Variants in IQCM observed in about 807,000 individuals in gnomAD.
IQCM encodes IQ domain-containing protein M.
IQCM carries 45 observed loss-of-function variants against 57.6 expected under a neutral mutation model. The ratio of observed to expected loss-of-function variants is 0.78; its 90% CI spans 0.62 to 1.00. The LOEUF is 1.00. Among genes scored for constraint, IQCM ranks in the 50% least tolerant of loss-of-function variants. The pLI, the probability that IQCM is intolerant of heterozygous loss-of-function variation, is 0.00. For synonymous variants in IQCM, 148 were observed against 158.9 expected (o/e 0.93, Z 0.51); for missense variants, 468 against 511.6 (o/e 0.91, Z 0.82).
chr4:149,744,914 T>C (rs1364845886), intron 2 of IQCM, among the ~76,000 whole-genome samples: 1 of 152,138 alleles, frequency 6.6e-6, no homozygotes, highest in Admixed American at 6.5e-5. Flanking sequence ...TAAGGAAATC[T>C]GTGAGCTTTG....
chr4:149,590,199 A>C (rs1388834434), intron 8 of IQCM, among the ~76,000 whole-genome samples: 1 of 115,946 alleles, frequency 8.6e-6, no homozygotes, highest in Admixed American at 9.0e-5. Context: ...ACCTCCATTG[A>C]TGTTTTCTAC....
intron 2 of IQCM, among the ~76,000 whole-genome samples, chr4:149,807,418 T>C (rs559030197): frequency 5.9e-5 from 9 of 152,132 alleles, no homozygotes; most frequent in African/African-American, 2.2e-4. Flanking sequence ...TTTTGCCATA[T>C]ATAAAAATCA....
At chr4:149,704,645 A>G (rs192346362) in intron 5 of IQCM, among the ~76,000 whole-genome samples, 1 of 151,872 alleles carries the variant, frequency 6.6e-6, no homozygotes, top group Admixed American at 6.6e-5. Context: ...AGAAGAGATA[A>G]ATCTGCCAAG....
intron 7 of IQCM, among the ~76,000 whole-genome samples, chr4:149,622,540 TCA>T (rs1439341486): frequency 2.0e-5 from 3 of 152,110 alleles, no homozygotes; most frequent in Admixed American, 2.0e-4. Flanking sequence ...AGACGGGGTT[TCA>T]CAGTGTTAGC....
intron 2 of IQCM, among the ~76,000 whole-genome samples, chr4:149,774,687 C>T (rs1995478): frequency 0.13 from 19,067 of 151,358 alleles, 1,270 homozygotes; most frequent in East Asian, 0.19. Context: ...TGGAGGCCCC[C>T]TCCCTCTGTC....
At chr4:149,405,396 C>A (rs1732905808) in intron 13 of IQCM, among the ~76,000 whole-genome samples, 1 of 150,916 alleles carries the variant, frequency 6.6e-6, no homozygotes, top group Non-Finnish European at 1.5e-5. Context: ...ACATCACACA[C>A]TGGGGCCTGT....
At chr4:149,670,931 A>G (rs1579939743) in intron 7 of IQCM, among the ~76,000 whole-genome samples, 1 of 144,350 alleles carries the variant, frequency 6.9e-6, no homozygotes, top group African/African-American at 2.5e-5. Flanking sequence ...TATTGGTCTA[A>G]AATTCTCTCT....
At chr4:149,457,525 C>A (rs72724096) in intron 12 of IQCM, among the ~76,000 whole-genome samples, 32,914 of 151,754 alleles carry the variant, frequency 0.22, 4,475 homozygotes, top group Non-Finnish European at 0.29. Context: ...TGAAATAATT[C>A]TAAAACCAAG....
chr4:149,467,724 T>C (rs1429013530), intron 12 of IQCM, among the ~76,000 whole-genome samples: 1 of 152,160 alleles, frequency 6.6e-6, no homozygotes, highest in Non-Finnish European at 1.5e-5. Flanking sequence ...GTCTGTCTGA[T>C]AGGAGCTGTG....
intron 5 of IQCM, 62 bp downstream of exon 5, chr4:149,733,182 A>T: frequency 1.7e-6 from 2 of 1,206,700 alleles, no homozygotes. Flanking sequence ...TTACAGGCAC[A>T]TAAGAAACAA....
chr4:149,776,830 A>G (rs1771133689), intron 2 of IQCM, among the ~76,000 whole-genome samples: 1 of 152,124 alleles, frequency 6.6e-6, no homozygotes, highest in East Asian at 1.9e-4. Context: ...ATATACATAG[A>G]ACATTCAAGA....
chr4:149,694,363 T>C (rs1027410665), intron 5 of IQCM, among the ~76,000 whole-genome samples: 1 of 150,302 alleles, frequency 6.7e-6, no homozygotes, highest in African/African-American at 2.4e-5. Context: ...TAGCTGGGAC[T>C]ACAGGCGCCC....
intron 7 of IQCM, among the ~76,000 whole-genome samples, chr4:149,678,864 A>G (rs1385675658): frequency 6.6e-6 from 1 of 151,712 alleles, no homozygotes; most frequent in African/African-American, 2.4e-5. Context: ...AATGGCTTCT[A>G]TCAAAAAGAC....
rs538952958 is a variant in IQCM, at chr4:149,520,219, ATT to A, written c.1228+28234_1228+28235del. ...AAAAACCGTATATAAGGTGGGCACCATTTTTTTTTTTTTTTTTTTTGCAGGTA... is the reference window on the plus strand; with the variant it reads ...AAAAACCGTATATAAGGTGGGCACCATTTTTTTTTTTTTTTTTTGCAGGTA... On this transcript the variant is annotated intron_variant, in intron 12 of 13. Transcript: ENST00000636793. Among the ~76,000 whole-genome samples, 313 of 126,668 alleles carry A rather than the reference ATT, an allele frequency of 2.5e-3. 2 individuals are homozygous for A. The highest frequency in any genetic ancestry group is 0.012 in the East Asian group (51 of 4,372). The allele number at this position is 126,668 out of a possible 152,430, so 83.1% of individuals were successfully genotyped here. A position where few individuals can be genotyped will look rare whatever the true frequency, so the allele number is the denominator to read the frequency against.
At chr4:149,664,153 A>G (rs974901129) in intron 7 of IQCM, among the ~76,000 whole-genome samples, 1 of 152,124 alleles carries the variant, frequency 6.6e-6, no homozygotes, top group Admixed American at 6.5e-5. Flanking sequence ...GTTCTTTTCC[A>G]TAATATCTAT....
intron 12 of IQCM, among the ~76,000 whole-genome samples, chr4:149,457,378 G>A (rs1409333635): frequency 6.6e-6 from 1 of 151,932 alleles, no homozygotes; most frequent in Admixed American, 6.6e-5. Flanking sequence ...ACAAAAGCAG[G>A]GTGACGTAAA....
intron 10 of IQCM, among the ~76,000 whole-genome samples, chr4:149,555,011 T>G (rs1749446911): frequency 6.6e-6 from 1 of 152,204 alleles, no homozygotes; most frequent in African/African-American, 2.4e-5. Context: ...TATTACACAT[T>G]ATTTTTCTTG....
chr4:149,490,548 T>C (rs1741987258), intron 12 of IQCM, among the ~76,000 whole-genome samples: 2 of 152,102 alleles, frequency 1.3e-5, no homozygotes, highest in Non-Finnish European at 2.9e-5. Flanking sequence ...AGAATCATAT[T>C]CTTAATTTAT....
chr4:149,469,308 C>G (rs1042682638), intron 12 of IQCM, among the ~76,000 whole-genome samples: 2 of 152,128 alleles, frequency 1.3e-5, no homozygotes, highest in African/African-American at 4.8e-5. Flanking sequence ...AACCATGGCA[C>G]AAGAACTACG....
Sources: gnomAD v4.1 joint callset for allele counts (sites outside exome capture counted in the v4.1 genomes callset) on GRCh38, gnomAD v4.1.1 for gene constraint, MANE v1.5 for transcripts, NCBI Gene and HGNC (gene_info 2026-07-23, HGNC 2026-07-21) for gene names.